Variants in MECOM observed in about 807,000 individuals in gnomAD.
MECOM encodes the protein MDS1 and EVI1 complex locus.
MECOM carries 13 observed loss-of-function variants against 116.3 expected under a neutral mutation model. The observed-to-expected ratio is 0.11, with a 90% CI of 0.07 to 0.18. The LOEUF is 0.18. Among genes scored for constraint, MECOM ranks in the 10% least tolerant of loss-of-function variants. The pLI is 1.00. For synonymous variants in MECOM, 528 were observed against 535.2 expected (o/e 0.99, Z 0.19); for missense variants, 1,299 against 1,509.0 (o/e 0.86, Z 2.31).
At chr3:169,231,013 T>C (rs1753327352) in intron 2 of MECOM, among the ~76,000 whole-genome samples, 1 of 152,146 alleles carries the variant, frequency 6.6e-6, no homozygotes, top group Non-Finnish European at 1.5e-5. Context: ...TCTTCTCTCA[T>C]CCTTCATTCA....
At chr3:169,595,582 C>T (rs1286194255) in intron 1 of MECOM, among the ~76,000 whole-genome samples, 2 of 152,136 alleles carry the variant, frequency 1.3e-5, no homozygotes, top group Non-Finnish European at 1.5e-5. Flanking sequence ...TCAGTGTTGG[C>T]TTCTTATAAT....
At chr3:169,163,529 A>G (rs564524540) in intron 2 of MECOM, among the ~76,000 whole-genome samples, 51 of 152,278 alleles carry the variant, frequency 3.3e-4, no homozygotes, top group African/African-American at 1.2e-3. Context: ...ACATCATTTC[A>G]TGTAACAACT....
intron 1 of MECOM, among the ~76,000 whole-genome samples, chr3:169,452,360 CAT>C (rs1194489278): frequency 2.6e-5 from 4 of 152,112 alleles, no homozygotes; most frequent in African/African-American, 9.7e-5. Flanking sequence ...AATAAGTTAA[CAT>C]ATGGGAAATC....
intron 1 of MECOM, among the ~76,000 whole-genome samples, chr3:169,531,220 T>C (rs997771716): frequency 1.3e-5 from 2 of 152,204 alleles, no homozygotes; most frequent in African/African-American, 4.8e-5. Flanking sequence ...TTATGACTTA[T>C]AAGGGTTGGC....
At chr3:169,177,780 T>C (rs1023675391) in intron 2 of MECOM, among the ~76,000 whole-genome samples, 3 of 151,670 alleles carry the variant, frequency 2.0e-5, no homozygotes. Flanking sequence ...TAGCTGGGCA[T>C]GTTGGCATGA....
intron 2 of MECOM, among the ~76,000 whole-genome samples, chr3:169,373,040 C>A (rs1055951251): frequency 9.9e-5 from 15 of 152,086 alleles, no homozygotes; most frequent in Middle Eastern, 3.4e-3. Context: ...GTTATTTCTA[C>A]TCAGTAATTT....
At chr3:169,239,311 C>T (rs145436671) in intron 2 of MECOM, among the ~76,000 whole-genome samples, 3 of 151,634 alleles carry the variant, frequency 2.0e-5, no homozygotes, top group African/African-American at 7.3e-5. Flanking sequence ...ATAAGGAGAA[C>T]TTTAAAGAAT....
At chr3:169,528,062 C>T (rs919202466) in intron 1 of MECOM, among the ~76,000 whole-genome samples, 3 of 152,198 alleles carry the variant, frequency 2.0e-5, no homozygotes, top group African/African-American at 7.2e-5. Flanking sequence ...TACCTACTGC[C>T]TCATGGGAAC....
At chr3:169,244,338 G>T (rs1755289846) in intron 2 of MECOM, among the ~76,000 whole-genome samples, 1 of 152,282 alleles carries the variant, frequency 6.6e-6, no homozygotes, top group African/African-American at 2.4e-5. Context: ...CCCGAGGCAT[G>T]GTGCTGTGGC....
At chr3:169,458,642 T>C (rs151095526) in intron 1 of MECOM, among the ~76,000 whole-genome samples, 1 of 152,342 alleles carries the variant, frequency 6.6e-6, no homozygotes, top group African/African-American at 2.4e-5. Flanking sequence ...GATTCATTTT[T>C]ATATCTCACT....
chr3:169,149,925 T>TTCTCTC lies in MECOM; in HGVS notation c.376-6099_376-6094dup, dbSNP rs763887004. On this transcript the variant is annotated intron_variant, in intron 2 of 16. Coordinates refer to ENST00000651503, the MANE Select transcript of MECOM (RefSeq NM_004991.4). ...CAAAACACTAAATCTTAATCTCTCT[T>TTCTCTC]TCTCTCTCTCTGTGTGTGTGTGTGT... Among the ~76,000 whole-genome samples, 13 of 133,042 alleles carry TTCTCTC rather than the reference T, an allele frequency of 9.8e-5. No individual in the cohort carries two copies. In the East Asian group the frequency reaches 1.1e-3, roughly 11 times the overall value. The allele number at this position is 133,042 out of a possible 152,430, so 87.3% of individuals were successfully genotyped here. A position where few individuals can be genotyped will look rare whatever the true frequency, so the allele number is the denominator to read the frequency against.
intron 2 of MECOM, among the ~76,000 whole-genome samples, chr3:169,237,354 T>C (rs1175159691): frequency 6.6e-6 from 1 of 152,168 alleles, no homozygotes; most frequent in Non-Finnish European, 1.5e-5. Context: ...AGAACTCTTG[T>C]CTGAATAAGT....
At chr3:169,247,301 AC>A (rs1467453948) in intron 2 of MECOM, among the ~76,000 whole-genome samples, 2 of 146,522 alleles carry the variant, frequency 1.4e-5, no homozygotes, top group African/African-American at 2.6e-5. Flanking sequence ...TCCACCTAAT[AC>A]TTTTTTTTTT....
chr3:169,560,383 C>T lies in MECOM; in HGVS notation c.37+102953G>A, dbSNP rs956928399. ...GATACTTAGACTTATGCTGGACTCCCTTGAGTCTTCTTGAACCCTGCTTTC... is the reference window on the plus strand; with the variant it reads ...GATACTTAGACTTATGCTGGACTCCTTTGAGTCTTCTTGAACCCTGCTTTC... On this transcript the variant is annotated intron_variant, in intron 1 of 16. Coordinates refer to ENST00000651503, the MANE Select transcript of MECOM (RefSeq NM_004991.4). Among the ~76,000 whole-genome samples, 3 of 152,084 alleles carry T rather than the reference C, an allele frequency of 2.0e-5. No homozygotes were observed. The East Asian group carries it at 5.8e-4, about 29-fold the overall frequency.
intron 1 of MECOM, among the ~76,000 whole-genome samples, chr3:169,560,501 T>C (rs1762521919): frequency 6.6e-6 from 1 of 152,134 alleles, no homozygotes; most frequent in Admixed American, 6.5e-5. Context: ...CTTTGGCCCA[T>C]AACCTGACTT....
At chr3:169,158,162 A>G (rs2149341805) in intron 2 of MECOM, among the ~76,000 whole-genome samples, 1 of 152,346 alleles carries the variant, frequency 6.6e-6, no homozygotes, top group South Asian at 2.1e-4. Flanking sequence ...TGTTTTAGCT[A>G]CGTAACTTTT....
At chr3:169,585,974 T>C (rs1340943131) in intron 1 of MECOM, among the ~76,000 whole-genome samples, 4 of 152,198 alleles carry the variant, frequency 2.6e-5, no homozygotes, top group Non-Finnish European at 4.4e-5. Context: ...GTCTTCCTTC[T>C]CCCTATCATA....
At chr3:169,303,309 A>G (rs1717100971) in intron 2 of MECOM, among the ~76,000 whole-genome samples, 1 of 152,032 alleles carries the variant, frequency 6.6e-6, no homozygotes, top group Non-Finnish European at 1.5e-5. Context: ...AATTTCACTC[A>G]TGGAATTCAT....
At chr3:169,626,250 A>G (rs1771356235) in intron 1 of MECOM, among the ~76,000 whole-genome samples, 2 of 152,226 alleles carry the variant, frequency 1.3e-5, no homozygotes, top group South Asian at 4.1e-4. Context: ...ACCCATCTCT[A>G]CTTTGATTGA....
Sources: gnomAD v4.1 joint callset for allele counts (sites outside exome capture counted in the v4.1 genomes callset) on GRCh38, gnomAD v4.1.1 for gene constraint, MANE v1.5 for transcripts, NCBI Gene and HGNC (gene_info 2026-07-23, HGNC 2026-07-21) for gene names.